The following ARHGAP27 variants were observed in gnomAD, a reference collection of about 807,000 sequenced individuals.
ARHGAP27 encodes rho GTPase-activating protein 27.
In ARHGAP27, 53 loss-of-function variants were observed where a neutral mutation model predicts 102.0. The ratio of observed to expected loss-of-function variants is 0.52; its 90% confidence interval spans 0.42 to 0.65. The LOEUF (loss-of-function observed/expected upper bound fraction) is 0.65. Among genes scored for constraint, ARHGAP27 ranks in the 30% least tolerant of loss-of-function variants. The pLI is 0.00. For synonymous variants in ARHGAP27, 525 were observed against 542.8 expected, an observed-to-expected ratio of 0.97 and a Z score of 0.46; for missense variants, 1,117 against 1,256.2, an observed-to-expected ratio of 0.89 and a Z score of 1.68.
intron 12 of ARHGAP27, among the ~76,000 whole-genome samples, chr17:45,398,512 G>A (rs1321163006): frequency 1.3e-5 from 2 of 152,110 alleles, no homozygotes; most frequent in Non-Finnish European, 2.9e-5. Flanking sequence ...GAGGCGGGCA[G>A]ATCATGAGGT....
chr17:45,418,613 G>T (rs568762533), intron 4 of ARHGAP27, among the ~76,000 whole-genome samples: 7 of 152,218 alleles, frequency 4.6e-5, no homozygotes, highest in African/African-American at 1.4e-4. Flanking sequence ...TGGGAATAAG[G>T]CCACTTAAAC....
At chr17:45,421,259 G>T (rs1420145358) in intron 4 of ARHGAP27, among the ~76,000 whole-genome samples, 1 of 150,232 alleles carries the variant, frequency 6.7e-6, no homozygotes, top group Non-Finnish European at 1.5e-5. Context: ...CAGGCAGATT[G>T]CTTGAGCCCA....
intron 4 of ARHGAP27, among the ~76,000 whole-genome samples, chr17:45,414,263 C>T (rs905374967): frequency 6.6e-6 from 1 of 152,146 alleles, no homozygotes; most frequent in African/African-American, 2.4e-5. Flanking sequence ...ATTCCTTCCC[C>T]CTCCCCCAGT....
At chr17:45,410,277 T>C in intron 4 of ARHGAP27, 14 of 1,532,700 alleles carry the variant, frequency 9.1e-6, no homozygotes, top group African/African-American at 1.4e-5. Flanking sequence ...CTTTGGCGAT[T>C]ATGTCCACCA....
chr17:45,428,550 C>T (rs1157256272), intron 4 of ARHGAP27, among the ~76,000 whole-genome samples: 1 of 152,166 alleles, frequency 6.6e-6, no homozygotes, highest in Non-Finnish European at 1.5e-5. Flanking sequence ...GGAGGGAACA[C>T]CCAGCAGCGG....
At position 45,403,659 on chromosome 17, in the gene ARHGAP27, G is replaced by A. The variant is rs1248926829; in HGVS notation, c.1598C>T (p.Thr533Ile). 2.5e-6 allele frequency: 4 copies of A among 1,614,080 alleles called. No homozygotes were observed. Among genetic ancestry groups the A allele is most frequent in the African/African-American group, 1.3e-5 (1 of 75,060 alleles). Reference protein sequence around the residue: ...SWTVLEGGVLTFFKDSKTSAA... With the variant: ...SWTVLEGGVLIFFKDSKTSAA... ...CGAGGTCTTTGAGTCCTTGAAGAAT[G>A]TCAGGACGCCACCCTCCAGCACAGT... is the stretch of plus-strand genomic sequence containing the variant. Residue 533 changes from threonine (T) to isoleucine (I), a missense_variant, in exon 11 of 20, where the codon ACA (threonine) becomes ATA (isoleucine). Thr to Ile is a moderately conservative substitution (Grantham distance 89). Transcript: ENST00000685559.
chr17:45,412,504 G>A (rs1435073451), intron 4 of ARHGAP27, among the ~76,000 whole-genome samples: 1 of 152,218 alleles, frequency 6.6e-6, no homozygotes, highest in Non-Finnish European at 1.5e-5. Context: ...CAAAATGAAC[G>A]CCTCCAAACC....
At chr17:45,417,057 T>G (rs2048540303) in intron 4 of ARHGAP27, among the ~76,000 whole-genome samples, 1 of 150,594 alleles carries the variant, frequency 6.6e-6, no homozygotes, top group South Asian at 2.1e-4. Context: ...CTTGGGAGGC[T>G]GAGGCAGAGA....
Position 45,404,458 on chromosome 17 carries a change from G to A in ARHGAP27, c.1400C>T (p.Pro467Leu), listed in dbSNP as rs2046879172. 1 of 1,614,056 alleles carries A rather than the reference G, an allele frequency of 6.2e-7. No individual in the cohort carries two copies. The highest frequency in any genetic ancestry group is 8.5e-7 in the Non-Finnish European group (1 of 1,179,972). ...QDGDTPAQAS[P>L]PEEKVPAELD... ...CTCCTCCCCTACCTTCTCCTCTGGAGGGCTGGCCTGGGCTGGGGTGTCACC... is the reference window on the plus strand; with the variant it reads ...CTCCTCCCCTACCTTCTCCTCTGGAAGGCTGGCCTGGGCTGGGGTGTCACC... The change falls in exon 8 of 20, where the codon CCT (proline) becomes CTT (leucine). Residue 467 changes from proline to leucine, a missense_variant. By Grantham distance (98) the Pro-to-Leu change is moderately conservative (BLOSUM62 -3). Coordinates refer to ENST00000685559, the MANE Select transcript of ARHGAP27 (RefSeq NM_001282290.2).
rs1254178739 is a variant in ARHGAP27 at position 45,404,914 on chromosome 17, C to G, written c.1248+10G>C. ...GAGGCTGTCCGGGTCCATCTGCCCC[C>G]TGCCCCTACCTGCTCCTGAGTGAAG... is the stretch of plus-strand genomic sequence containing the variant. On this transcript the variant is annotated intron_variant, in intron 6 of 19. Transcript: ENST00000685559. The G allele has an allele frequency of 1.2e-6, 2 of 1,614,172 alleles. No individual in the cohort carries two copies. The highest frequency in any genetic ancestry group is 1.7e-6 in the Non-Finnish European group (2 of 1,180,012).
At chr17:45,396,316 C>A in intron 16 of ARHGAP27, 32 bp from the exon 17 acceptor site, 1 of 1,586,406 alleles carries the variant, frequency 6.3e-7, no homozygotes, top group Non-Finnish European at 8.6e-7. Flanking sequence ...ATCCCGGGTT[C>A]AGGGATGGGG....
At chr17:45,426,289 G>C (rs1286764090) in intron 4 of ARHGAP27, among the ~76,000 whole-genome samples, 1 of 152,142 alleles carries the variant, frequency 6.6e-6, no homozygotes, top group Non-Finnish European at 1.5e-5. Flanking sequence ...CTTCCAAGCT[G>C]CTGGGAGCTT....
chr17:45,407,198 G>T (rs2047283297), intron 4 of ARHGAP27, among the ~76,000 whole-genome samples: 1 of 152,064 alleles, frequency 6.6e-6, no homozygotes, highest in Non-Finnish European at 1.5e-5. Flanking sequence ...TGAACTTTAA[G>T]CTCCAGTAGC....
rs542385942 is a variant in ARHGAP27 at position 45,402,086 on chromosome 17, C to T, written c.1743+628G>A. On this transcript the variant is annotated intron_variant, in intron 12 of 19. Coordinates refer to ENST00000685559, the MANE Select transcript of ARHGAP27 (RefSeq NM_001282290.2). ...TTTCTGGGTCTTCTCTCCCTTCCTGCGGGGGTAGCATGGTAGTCTTCTCCA... is the reference window on the plus strand; with the variant it reads ...TTTCTGGGTCTTCTCTCCCTTCCTGTGGGGGTAGCATGGTAGTCTTCTCCA... 7.9e-5 allele frequency among the ~76,000 whole-genome samples: 12 copies of T among 152,232 alleles called. No individual in the cohort carries two copies. In the East Asian group the frequency reaches 1.4e-3, roughly 17 times the overall value.
chr17:45,425,574 G>A, intron 4 of ARHGAP27: 5 of 985,680 alleles, frequency 5.1e-6, no homozygotes, highest in Non-Finnish European at 6.0e-6. Flanking sequence ...TCAGTTCCCA[G>A]TGGAGGAGAA....
At chr17:45,404,843 A>T in intron 6 of ARHGAP27, 81 bp downstream of exon 6, 2 of 1,596,424 alleles carry the variant, frequency 1.3e-6, no homozygotes, top group Non-Finnish European at 1.7e-6. Flanking sequence ...TGCGGTTTAG[A>T]GCACTGAGGC....
In ARHGAP27 at chr17:45,405,504, A is replaced by T. The variant is rs553677860; in HGVS notation, c.1065+172T>A. On this transcript the variant is annotated intron_variant, in intron 5 of 19. Transcript: ENST00000685559. The stretch of plus-strand genomic sequence containing the variant: ...CCCGCCCACTCCAGCCCCGCCCTTC[A>T]CCCTGGGGTCCCTGGGTCTGTGGGA... Among the ~76,000 whole-genome samples the T allele has an allele frequency of 8.6e-5, 13 of 150,892 alleles. No individual in the cohort carries two copies. In the East Asian group the frequency reaches 2.6e-3, roughly 30 times the overall value.
rs200571162 is a variant in ARHGAP27 at position 45,405,736 on chromosome 17, C to A, written c.1005G>T (p.Glu335Asp). 4 of 1,602,364 alleles carry A rather than the reference C, an allele frequency of 2.5e-6. No individual in the cohort carries two copies. In the South Asian group the frequency reaches 3.3e-5, roughly 13 times the overall value. Residue 335 changes from glutamate (E) to aspartate (D), a missense_variant, in exon 5 of 20, where the codon GAG (glutamate) becomes GAT (aspartate). Transcript: ENST00000685559. ...GCTGCATCTCCAACTCCTCCTCGGG[C>A]TCGTTCTCGGCCTCGTCCTCCCAGG... ...ETAWEDEAEN[E>D]PEEELEMQPG...
rs937004858 is a variant in ARHGAP27, at chr17:45,396,551, A to G, written c.2109T>C (p.Cys703=). 2.1e-5 allele frequency: 34 copies of G among 1,598,528 alleles called. No homozygotes were observed. The highest frequency in any genetic ancestry group is 3.4e-5 in the Admixed American group (2 of 59,104). Reference sequence around the variant, plus strand: ...GTGGCACCCGGCTCCTCTCGCGCTCACACAGCGCGGCCAGCGCGCAGCCGA... The same window carrying G: ...GTGGCACCCGGCTCCTCTCGCGCTCGCACAGCGCGGCCAGCGCGCAGCCGA... The part of the protein sequence containing the change: ...QVFGCALAAL[C]ERERSRVPRF... The change falls in exon 16 of 20, where the codon TGT becomes TGC. Residue 703 remains cysteine, a synonymous_variant. Transcript: ENST00000685559.
Sources: allele counts gnomAD v4.1 joint callset (sites outside exome capture counted in the v4.1 genomes callset), GRCh38; gene constraint gnomAD v4.1.1; transcripts MANE v1.5; gene names NCBI Gene and HGNC (gene_info 2026-07-23, HGNC 2026-07-21).